The following TMEM165 variants were observed in gnomAD, a reference collection of about 807,000 sequenced individuals.
TMEM165 encodes transmembrane protein 165.
In TMEM165, 19 loss-of-function variants were observed where a neutral mutation model predicts 30.0. The ratio of observed to expected loss-of-function variants is 0.63; its 90% CI spans 0.44 to 0.93. The LOEUF (loss-of-function observed/expected upper bound fraction) is 0.93, where lower values mean the gene tolerates loss of function less well. Among genes scored for constraint, TMEM165 ranks in the 40% least tolerant of loss-of-function variants. The pLI is 0.00. For missense variants in TMEM165, 340 were observed against 417.0 expected, an observed-to-expected ratio of 0.82 and a Z score of 1.61; for synonymous variants, 168 against 162.9, an observed-to-expected ratio of 1.03 and a Z score of -0.24.
Position 55,425,355 on chromosome 4 carries a change from CTTT to C in TMEM165, c.899-16_899-14del, listed in dbSNP as rs748593679. 3.1e-6 allele frequency: 5 copies of C among 1,605,472 alleles called. No individual in the cohort carries two copies. The Admixed American group carries it at 5.0e-5, about 16-fold the overall frequency. On this transcript the variant is annotated intron_variant, in intron 5 of 5. Coordinates refer to ENST00000381334, the MANE Select transcript of TMEM165 (RefSeq NM_018475.5). ...GGTATAGGAATTTTACTGTATTTGACTTTTTTTCTCTCTCTTCCAGTGACAATC... is the reference window on the plus strand; with the variant it reads ...GGTATAGGAATTTTACTGTATTTGACTTTTCTCTCTCTTCCAGTGACAATC...
Position 55,438,327 on chromosome 4 carries a change from T to C in TMEM165, c.408+13684T>C, listed in dbSNP as rs182492164. 3.7e-6 allele frequency: 6 copies of C among 1,614,122 alleles called. No individual in the cohort carries two copies. The African/African-American group carries it at 5.3e-5, about 14-fold the overall frequency. On this transcript the variant is annotated intron_variant, in intron 3 of 3. Coordinates refer to the TMEM165 transcript ENST00000608091. ...GCTGGGTCAGCTGAGCCTGAGATGG[T>C]TGCTGAACTGAAGTGAGCTGCTGCT...
intron 1 of TMEM165, among the ~76,000 whole-genome samples, chr4:55,401,064 G>A (rs1720976419): frequency 6.6e-6 from 1 of 150,412 alleles, no homozygotes; most frequent in African/African-American, 2.5e-5. Flanking sequence ...AAAATGGAGG[G>A]GGGAAGCATC....
chr4:55,420,535 G>A (rs1331305098), intron 4 of TMEM165, among the ~76,000 whole-genome samples: 4 of 151,960 alleles, frequency 2.6e-5, no homozygotes, highest in Admixed American at 1.3e-4. Context: ...AATAACACAC[G>A]CAGGGTATCT....
At position 55,425,513 on chromosome 4, in the gene TMEM165, T is replaced by A; in HGVS notation, c.*61T>A. On this transcript the variant is annotated 3_prime_UTR_variant, in exon 6 of 6. Transcript: ENST00000381334. ...GGTAGTATTATCTTTCTGTACATAG[T>A]GTACATTACAACTAAAAGTGATGGA... The A allele has an allele frequency of 7.7e-7, 1 of 1,303,222 alleles. No homozygotes were observed. The highest frequency in any genetic ancestry group is 1.2e-5 in the South Asian group (1 of 80,628). 80.7% of individuals were successfully genotyped at this position (1,303,222 alleles called of 1,614,324 possible).
chr4:55,451,726 C>G (rs1724472424), intron 3 of TMEM165, among the ~76,000 whole-genome samples: 1 of 152,198 alleles, frequency 6.6e-6, no homozygotes, highest in East Asian at 1.9e-4. Flanking sequence ...GTCCCCTAAT[C>G]AAGGAACCCT....
Position 55,399,954 on chromosome 4 carries a change from TTTA to T in TMEM165, c.207+3564_207+3566del, listed in dbSNP as rs1188199727. Among the ~76,000 whole-genome samples, 6 of 150,508 alleles carry T rather than the reference TTTA, an allele frequency of 4.0e-5. No individual in the cohort carries two copies. The East Asian group carries it at 1.2e-3, about 29-fold the overall frequency. ...GTGATTCATTTTAGTTAGGCATTTATTTATTATTGTTTATTCTAATTTTGTATT... is the reference window on the plus strand; with the variant it reads ...GTGATTCATTTTAGTTAGGCATTTATTTATTGTTTATTCTAATTTTGTATT... On this transcript the variant is annotated intron_variant, in intron 1 of 5. Transcript: ENST00000381334.
chr4:55,423,157 A>G (rs1042604744), intron 4 of TMEM165: 3 of 151,056 alleles, frequency 2.0e-5, no homozygotes, highest in East Asian at 1.9e-4. Context: ...CTAGCCTTGA[A>G]CTCCTGGCCT....
At chr4:55,439,822 G>T (rs1037732208) in intron 3 of TMEM165, among the ~76,000 whole-genome samples, 34 of 152,178 alleles carry the variant, frequency 2.2e-4, no homozygotes, top group African/African-American at 8.2e-4. Flanking sequence ...TACAGGGACA[G>T]AAAGTAGAAT....
chr4:55,411,974 C>G (rs540835390), intron 2 of TMEM165, 135 bp downstream of exon 2: 25 of 699,646 alleles, frequency 3.6e-5, no homozygotes, highest in Non-Finnish European at 6.0e-5. Context: ...CCAACCTTTT[C>G]CTTGTGTATC....
chr4:55,403,206 T>C (rs773601407), intron 1 of TMEM165: 8 of 1,222,062 alleles, frequency 6.5e-6, no homozygotes, highest in South Asian at 5.0e-5. Context: ...TGATAACTTA[T>C]TGAGCAACTT....
chr4:55,425,508 C>A lies in TMEM165; in HGVS notation c.*56C>A. 1 of 1,330,976 alleles carries A rather than the reference C, an allele frequency of 7.5e-7. No individual in the cohort carries two copies. The highest frequency in any genetic ancestry group is 1.1e-6 in the Non-Finnish European group (1 of 929,132). 82.4% of individuals were successfully genotyped at this position (1,330,976 alleles called of 1,614,324 possible). A position where few individuals can be genotyped will look rare whatever the true frequency, so the allele number is the denominator to read the frequency against. On this transcript the variant is annotated 3_prime_UTR_variant, in exon 6 of 6. Coordinates refer to ENST00000381334, the MANE Select transcript of TMEM165 (RefSeq NM_018475.5). ...AAATAGGTAGTATTATCTTTCTGTA[C>A]ATAGTGTACATTACAACTAAAAGTG... is the stretch of plus-strand genomic sequence containing the variant.
chr4:55,412,320 G>A (rs1238644050), intron 2 of TMEM165, among the ~76,000 whole-genome samples: 7 of 147,260 alleles, frequency 4.8e-5, no homozygotes, highest in Non-Finnish European at 6.0e-5. Flanking sequence ...CTTGAACCCA[G>A]GAGGCAGAGG....
chr4:55,441,697 T>C (rs1723381511), intron 3 of TMEM165, among the ~76,000 whole-genome samples: 1 of 152,102 alleles, frequency 6.6e-6, no homozygotes, highest in Admixed American at 6.5e-5. Context: ...AGCAAAGGCA[T>C]ACAGAGTGAT....
chr4:55,396,082 G>A lies in TMEM165; in HGVS notation c.-108G>A. Reference sequence around the variant, plus strand: ...GGTGCTGACTGCTCCCTAAGCGGCGGCGGCGGCGAGTCGTGAGGACGCGCC... The same window carrying A: ...GGTGCTGACTGCTCCCTAAGCGGCGACGGCGGCGAGTCGTGAGGACGCGCC... On this transcript the variant is annotated 5_prime_UTR_variant, in exon 1 of 6. Coordinates refer to ENST00000381334, the MANE Select transcript of TMEM165 (RefSeq NM_018475.5). 1.1e-6 allele frequency: 1 copy of A among 923,966 alleles called. No individual in the cohort carries two copies. The allele number at this position is 923,966 out of a possible 1,614,324, so 57.2% of individuals were successfully genotyped here.
chr4:55,400,406 T>G (rs1433028849), intron 1 of TMEM165, among the ~76,000 whole-genome samples: 7 of 128,434 alleles, frequency 5.5e-5, no homozygotes, highest in Admixed American at 9.6e-5. Flanking sequence ...TTAATATAAT[T>G]AATATATTTA....
At chr4:55,418,999 T>G (rs505861) in intron 4 of TMEM165, among the ~76,000 whole-genome samples, 111,654 of 151,884 alleles carry the variant, frequency 0.74, 42,496 homozygotes, top group East Asian at 0.98. Context: ...GAGCCTAGAT[T>G]GCACCACTGC....
intron 1 of TMEM165, among the ~76,000 whole-genome samples, chr4:55,407,805 C>T (rs2109535887): frequency 6.6e-6 from 1 of 152,294 alleles, no homozygotes; most frequent in East Asian, 1.9e-4. Context: ...TATTTTGTGG[C>T]ACTACAAAAA....
At chr4:55,422,455 ACCATGTTGT>A (rs1722020794) in intron 4 of TMEM165, among the ~76,000 whole-genome samples, 2 of 151,908 alleles carry the variant, frequency 1.3e-5, no homozygotes, top group African/African-American at 4.8e-5. Context: ...ATGGGGTTTC[ACCATGTTGT>A]CCAGGTTGGT....
chr4:55,445,875 C>T (rs1723799825), intron 3 of TMEM165, among the ~76,000 whole-genome samples: 1 of 151,936 alleles, frequency 6.6e-6, no homozygotes, highest in Non-Finnish European at 1.5e-5. Flanking sequence ...AGAATACAGG[C>T]ATGAGCCACC....
Sources: gnomAD v4.1 joint callset for allele counts (sites outside exome capture counted in the v4.1 genomes callset) on GRCh38, gnomAD v4.1.1 for gene constraint, MANE v1.5 for transcripts, NCBI Gene and HGNC (gene_info 2026-07-23, HGNC 2026-07-21) for gene names.